The following SHISA9 variants were observed in gnomAD, a reference collection of about 807,000 sequenced individuals.
The protein encoded by SHISA9 is shisa family member 9.
SHISA9 carries 13 observed loss-of-function variants against 38.0 expected under a neutral mutation model. The ratio of observed to expected loss-of-function variants is 0.34; its 90% confidence interval spans 0.22 to 0.54. The LOEUF (loss-of-function observed/expected upper bound fraction) is 0.54. Among genes scored for constraint, SHISA9 ranks in the 20% least tolerant of loss-of-function variants. SHISA9 has a pLI of 0.91. For missense variants in SHISA9, 538 were observed against 575.8 expected, an observed-to-expected ratio of 0.93 and a Z score of 0.67; for synonymous variants, 275 against 242.0, an observed-to-expected ratio of 1.14 and a Z score of -1.27.
At chr16:13,163,361 G>T (rs569582758) in intron 2 of SHISA9, among the ~76,000 whole-genome samples, 2 of 152,156 alleles carry the variant, frequency 1.3e-5, no homozygotes, top group South Asian at 4.1e-4. Flanking sequence ...AGTTGTCTTG[G>T]CTCTTACAGA....
In SHISA9 at chr16:13,079,556, G is replaced by T. The variant is rs563886437; in HGVS notation, c.692-123838G>T. Among the ~76,000 whole-genome samples the T allele has an allele frequency of 6.7e-4, 102 of 152,330 alleles. 1 individual carries two copies. The highest frequency in any genetic ancestry group is 2.4e-3 in the African/African-American group (99 of 41,584). On this transcript the variant is annotated intron_variant, in intron 2 of 4. Transcript: ENST00000558583. Reference sequence around the variant, plus strand: ...CTCATTTTTCCCACCCCAAAAAAGTGCTTTAACAAGAGGAGGCTGCTTGTG... The same window carrying T: ...CTCATTTTTCCCACCCCAAAAAAGTTCTTTAACAAGAGGAGGCTGCTTGTG...
intron 2 of SHISA9, among the ~76,000 whole-genome samples, chr16:12,969,679 G>A (rs113784556): frequency 2.2e-4 from 33 of 152,164 alleles, no homozygotes; most frequent in Admixed American, 4.6e-4. Flanking sequence ...CCCGGGAGGC[G>A]GAGGCTGCAG....
rs527891424 is a variant in SHISA9 at position 13,115,343 on chromosome 16, T to C, written c.692-88051T>C. On this transcript the variant is annotated intron_variant, in intron 2 of 4. Transcript: ENST00000558583. Reference sequence around the variant, plus strand: ...CCCGAACAGAGATTTACCCACTATTTATTAACAGCAAACCAGTCATTATCA... The same window carrying C: ...CCCGAACAGAGATTTACCCACTATTCATTAACAGCAAACCAGTCATTATCA... Among the ~76,000 whole-genome samples, 12 of 152,340 alleles carry C rather than the reference T, an allele frequency of 7.9e-5. 1 individual carries two copies. Among genetic ancestry groups the C allele is most frequent in the African/African-American group, 2.6e-4 (11 of 41,590 alleles).
intron 4 of SHISA9, among the ~76,000 whole-genome samples, chr16:13,218,848 A>G (rs1195323491): frequency 6.6e-6 from 1 of 152,212 alleles, no homozygotes; most frequent in Non-Finnish European, 1.5e-5. Flanking sequence ...GTTCCATTGG[A>G]GTGCATGCAT....
chr16:13,212,748 C>A (rs887396924), intron 3 of SHISA9, among the ~76,000 whole-genome samples: 11 of 152,124 alleles, frequency 7.2e-5, no homozygotes, highest in African/African-American at 2.7e-4. Context: ...GGCCTGTCAC[C>A]CAGCATTTAA....
chr16:13,398,040 G>A, the SHISA9 span, among the ~76,000 whole-genome samples: 9 of 152,122 alleles, frequency 5.9e-5, no homozygotes, highest in African/African-American at 1.9e-4. Flanking sequence ...AGGAGGATCC[G>A]ACAGTCGATG....
At chr16:13,033,874 T>C (rs1217773159) in intron 2 of SHISA9, among the ~76,000 whole-genome samples, 1 of 152,226 alleles carries the variant, frequency 6.6e-6, no homozygotes, top group African/African-American at 2.4e-5. Flanking sequence ...GGCTGGGCGC[T>C]GTGGCTCACG....
chr16:13,525,011 G>A, the SHISA9 span, among the ~76,000 whole-genome samples: 1 of 152,198 alleles, frequency 6.6e-6, no homozygotes, highest in Non-Finnish European at 1.5e-5. Flanking sequence ...CAACACACCA[G>A]TGAGAACCAC....
At chr16:13,234,543 A>T (rs974142206) in intron 4 of SHISA9, among the ~76,000 whole-genome samples, 5 of 152,236 alleles carry the variant, frequency 3.3e-5, no homozygotes, top group Non-Finnish European at 7.3e-5. Context: ...AAACCAGCGG[A>T]GAAAAATCCC....
chr16:13,302,325 G>A, the SHISA9 span, among the ~76,000 whole-genome samples: 1 of 152,274 alleles, frequency 6.6e-6, no homozygotes, highest in East Asian at 1.9e-4. Context: ...ATATTAGAAA[G>A]CTGGACAGAA....
the SHISA9 span, among the ~76,000 whole-genome samples, chr16:13,359,499 A>G: frequency 0.014 from 2,095 of 152,296 alleles, 28 homozygotes; most frequent in Middle Eastern, 0.037. Flanking sequence ...ATAAATAAAT[A>G]GCAATAATAA....
intron 2 of SHISA9, among the ~76,000 whole-genome samples, chr16:12,955,287 A>T (rs1482402059): frequency 6.6e-6 from 1 of 151,624 alleles, no homozygotes; most frequent in Non-Finnish European, 1.5e-5. Flanking sequence ...TTGCTTCCTC[A>T]TTTTCTTGCC....
chr16:13,469,359 A>AAAG, the SHISA9 span, among the ~76,000 whole-genome samples: 4,913 of 52,330 alleles, frequency 0.094, 117 homozygotes, highest in Non-Finnish European at 0.11. Flanking sequence ...AGAAAGAAAG[A>AAAG]AAAGAAAAAG....
In SHISA9 at chr16:13,235,557, A is replaced by C; in HGVS notation, c.*148A>C. 4 of 1,047,310 alleles carry C rather than the reference A, an allele frequency of 3.8e-6. No individual in the cohort carries two copies. The highest frequency in any genetic ancestry group is 5.4e-6 in the Non-Finnish European group (4 of 747,400). The allele number at this position is 1,047,310 out of a possible 1,614,324, so 64.9% of individuals were successfully genotyped here. On this transcript the variant is annotated 3_prime_UTR_variant, in exon 5 of 5. Coordinates refer to ENST00000558583, the MANE Select transcript of SHISA9 (RefSeq NM_001145204.3). ...CCAACTCTAAACCTACTGGGGACACAGAGTCGCGCTTTTCCTAGGTCATGC... is the reference window on the plus strand; with the variant it reads ...CCAACTCTAAACCTACTGGGGACACCGAGTCGCGCTTTTCCTAGGTCATGC...
chr16:13,385,984 C>T, the SHISA9 span, among the ~76,000 whole-genome samples: 1 of 152,104 alleles, frequency 6.6e-6, no homozygotes, highest in African/African-American at 2.4e-5. Flanking sequence ...AGGATAGGGA[C>T]AGGGCAAGAG....
chr16:13,447,221 A>G, the SHISA9 span, among the ~76,000 whole-genome samples: 2 of 152,140 alleles, frequency 1.3e-5, no homozygotes, highest in African/African-American at 2.4e-5. Flanking sequence ...AAAATCCATT[A>G]AAGAGATTTT....
At chr16:13,380,249 G>A in the SHISA9 span, among the ~76,000 whole-genome samples, 6 of 152,148 alleles carry the variant, frequency 3.9e-5, no homozygotes, top group East Asian at 7.7e-4. Context: ...ATTATTTTTC[G>A]TATCAAAAGA....
chr16:13,105,253 T>G (rs567665219), intron 2 of SHISA9, among the ~76,000 whole-genome samples: 1 of 152,240 alleles, frequency 6.6e-6, no homozygotes, highest in Non-Finnish European at 1.5e-5. Context: ...TGGGTTTCTT[T>G]TATTTTGGAA....
Position 12,965,933 on chromosome 16 carries a change from G to A in SHISA9, c.691+49118G>A, listed in dbSNP as rs556619664. Among the ~76,000 whole-genome samples, 3 of 152,306 alleles carry A rather than the reference G, an allele frequency of 2.0e-5. No homozygotes were observed. The South Asian group carries it at 6.2e-4, about 32-fold the overall frequency. On this transcript the variant is annotated intron_variant, in intron 2 of 4. Transcript: ENST00000558583. ...TTATCTTAGGAATAGAAGAACAGGG[G>A]ACATTTTCTTAACCTCATACTTCAC...
Sources: allele counts gnomAD v4.1 joint callset (sites outside exome capture counted in the v4.1 genomes callset), GRCh38; gene constraint gnomAD v4.1.1; transcripts MANE v1.5; gene names NCBI Gene and HGNC (gene_info 2026-07-23, HGNC 2026-07-21).